Variants in KCNMA1 observed in about 807,000 individuals in gnomAD.
The protein encoded by KCNMA1 is Calcium-activated potassium channel subunit alpha-1.
Under a neutral mutation model 140.0 loss-of-function variants are expected in KCNMA1, and 29 were observed. That is an observed-to-expected ratio of 0.21 (90% CI 0.15 to 0.28). KCNMA1 has a LOEUF of 0.28. KCNMA1 is among the 10% of genes least tolerant of loss of function. The pLI is 1.00. For missense variants in KCNMA1, 880 were observed against 1,602.2 expected (o/e 0.55, Z 7.70); for synonymous variants, 612 against 611.9 (o/e 1.00, Z 0.00).
intron 3 of KCNMA1, among the ~76,000 whole-genome samples, chr10:77,218,094 AG>A (rs2048380439): frequency 6.6e-6 from 1 of 152,118 alleles, no homozygotes; most frequent in Non-Finnish European, 1.5e-5. Flanking sequence ...GGAAGTTCAG[AG>A]GAGATAAGTA....
At chr10:77,073,487 T>A (rs1277694287) in intron 13 of KCNMA1, among the ~76,000 whole-genome samples, 1 of 152,154 alleles carries the variant, frequency 6.6e-6, no homozygotes, top group Admixed American at 6.5e-5. Context: ...CCTGGGTTTG[T>A]CATTTAGCCA....
intron 2 of KCNMA1, among the ~76,000 whole-genome samples, chr10:77,356,980 A>G (rs2093547190): frequency 6.6e-6 from 1 of 152,244 alleles, no homozygotes; most frequent in Non-Finnish European, 1.5e-5. Flanking sequence ...TTGAAAGCCA[A>G]AGGTAAGAAG....
At chr10:76,875,352 G>A (rs138026981), downstream of KCNMA1, 6 of 152,046 alleles carry the variant, frequency 3.9e-5, no homozygotes, top group Non-Finnish European at 7.4e-5. Flanking sequence ...GTTTTTTTGG[G>A]GGGGAGGTGC....
chr10:77,294,053 T>C (rs1199145849), intron 2 of KCNMA1, among the ~76,000 whole-genome samples: 1 of 152,254 alleles, frequency 6.6e-6, no homozygotes, highest in Non-Finnish European at 1.5e-5. Flanking sequence ...AGCCCGCCAC[T>C]GCGGTACTCA....
At chr10:77,079,814 A>G in intron 12 of KCNMA1, 1 of 532,950 alleles carries the variant, frequency 1.9e-6, no homozygotes, top group Non-Finnish European at 3.4e-6. Flanking sequence ...GAGGTTCCCT[A>G]TAACCTCTAG....
intron 23 of KCNMA1, among the ~76,000 whole-genome samples, chr10:76,915,780 G>GGAA (rs1564883521): frequency 6.6e-6 from 1 of 152,072 alleles, no homozygotes; most frequent in East Asian, 1.9e-4. Context: ...GGGGCTTTCA[G>GGAA]GAAGTGTTTC....
chr10:77,046,452 A>T (rs147222426), intron 14 of KCNMA1, among the ~76,000 whole-genome samples: 1 of 152,274 alleles, frequency 6.6e-6, no homozygotes, highest in East Asian at 1.9e-4. Context: ...ATCAGAATTG[A>T]TGGGCTCTAA....
intron 1 of KCNMA1, among the ~76,000 whole-genome samples, chr10:77,432,573 T>C (rs1486377657): frequency 1.3e-5 from 2 of 152,090 alleles, no homozygotes; most frequent in East Asian, 1.9e-4. Context: ...CTATGGTCAA[T>C]GAGAAACAGA....
At position 77,254,607 on chromosome 10, in the gene KCNMA1, T is replaced by A. The variant is rs146975266; in HGVS notation, c.541-3351A>T. Among the ~76,000 whole-genome samples, 711 of 152,286 alleles carry A rather than the reference T, an allele frequency of 4.7e-3. 3 individuals carry two copies. The highest frequency in any genetic ancestry group is 0.016 in the African/African-American group (667 of 41,550). ...TTAGTGATAAATCATATAGTACAGG[T>A]TTAGCCAATATAAAATGAACTATTG... On this transcript the variant is annotated intron_variant, in intron 2 of 27. Transcript: ENST00000286628.
chr10:77,053,597 G>C (rs1479556718), intron 14 of KCNMA1, among the ~76,000 whole-genome samples: 1 of 152,206 alleles, frequency 6.6e-6, no homozygotes, highest in Admixed American at 6.5e-5. Context: ...CCCGACATCA[G>C]TCATTTACAA....
At chr10:76,993,883 T>C (rs934689616) in intron 19 of KCNMA1, among the ~76,000 whole-genome samples, 1 of 152,246 alleles carries the variant, frequency 6.6e-6, no homozygotes, top group Non-Finnish European at 1.5e-5. Context: ...TCTTAAACTC[T>C]AGCCAAATTG....
At chr10:77,067,556 A>G (rs1044669011) in intron 14 of KCNMA1, among the ~76,000 whole-genome samples, 5 of 152,154 alleles carry the variant, frequency 3.3e-5, no homozygotes, top group African/African-American at 1.2e-4. Context: ...GAACCCTAAT[A>G]TACTTACTTT....
intron 9 of KCNMA1, among the ~76,000 whole-genome samples, chr10:77,095,894 T>C (rs1488011934): frequency 6.6e-6 from 1 of 152,096 alleles, no homozygotes; most frequent in East Asian, 1.9e-4. Flanking sequence ...GACTGAGGCA[T>C]CAAGAGAGCC....
chr10:76,948,795 A>G (rs1406746548), intron 22 of KCNMA1, among the ~76,000 whole-genome samples: 2 of 152,254 alleles, frequency 1.3e-5, no homozygotes, highest in African/African-American at 2.4e-5. Context: ...AATGCTATAA[A>G]TAGTTCTGTA....
At chr10:77,176,207 C>T (rs77804637) in intron 5 of KCNMA1, among the ~76,000 whole-genome samples, 1 of 152,124 alleles carries the variant, frequency 6.6e-6, no homozygotes, top group South Asian at 2.1e-4. Flanking sequence ...CCCCATCCAC[C>T]GCTTCCCTTA....
chr10:77,220,238 G>C (rs909083934), intron 3 of KCNMA1, among the ~76,000 whole-genome samples: 1 of 152,154 alleles, frequency 6.6e-6, no homozygotes, highest in Non-Finnish European at 1.5e-5. Flanking sequence ...CTTGAACTTG[G>C]GCAGCTTGAC....
chr10:77,555,133 G>A (rs909781473), intron 1 of KCNMA1, among the ~76,000 whole-genome samples: 1 of 151,996 alleles, frequency 6.6e-6, no homozygotes, highest in African/African-American at 2.4e-5. Context: ...TTAAGAAAGA[G>A]GACACTGACA....
chr10:76,980,593 T>C (rs1315206495), intron 19 of KCNMA1: 2 of 152,212 alleles, frequency 1.3e-5, no homozygotes, highest in East Asian at 1.9e-4. Flanking sequence ...CATACAAATA[T>C]GGATTTCTAA....
chr10:77,262,890 T>A (rs768026128), intron 2 of KCNMA1, among the ~76,000 whole-genome samples: 13 of 152,180 alleles, frequency 8.5e-5, no homozygotes, highest in Admixed American at 5.2e-4. Flanking sequence ...TTTATGGCAA[T>A]GCAAATAACT....
Sources: gnomAD v4.1 joint callset for allele counts (sites outside exome capture counted in the v4.1 genomes callset) on GRCh38, gnomAD v4.1.1 for gene constraint, MANE v1.5 for transcripts, NCBI Gene and HGNC (gene_info 2026-07-23, HGNC 2026-07-21) for gene names.